The following TNFAIP8L3 variants were observed in gnomAD, a reference collection of about 807,000 sequenced individuals.
The protein encoded by TNFAIP8L3 is TNF alpha induced protein 8 like 3, also known as tumor necrosis factor alpha-induced protein 8-like protein 3.
In TNFAIP8L3, 7 loss-of-function variants were observed where a neutral mutation model predicts 11.8. The observed-to-expected ratio is 0.59, with a 90% CI of 0.34 to 1.11. The LOEUF is 1.11. TNFAIP8L3 is among the 50% of genes most tolerant of loss of function. The pLI is 0.03. For missense variants in TNFAIP8L3, 219 were observed against 258.6 expected (o/e 0.85, Z 1.05); for synonymous variants, 98 against 103.8 (o/e 0.94, Z 0.34).
At chr15:51,100,875 T>G (rs2065545983) in intron 1 of TNFAIP8L3, among the ~76,000 whole-genome samples, 1 of 152,086 alleles carries the variant, frequency 6.6e-6, no homozygotes, top group South Asian at 2.1e-4. Context: ...GAAGGGAGAA[T>G]TTGGATCTTG....
chr15:51,089,359 C>T (rs928064364), intron 1 of TNFAIP8L3, among the ~76,000 whole-genome samples: 1 of 152,180 alleles, frequency 6.6e-6, no homozygotes, highest in African/African-American at 2.4e-5. Flanking sequence ...AGCTAACTAA[C>T]AGTCCAGCAC....
At chr15:51,077,860 G>A (rs748992608) in intron 1 of TNFAIP8L3, among the ~76,000 whole-genome samples, 15 of 152,228 alleles carry the variant, frequency 9.9e-5, no homozygotes, top group Non-Finnish European at 7.3e-5. Context: ...TGAGGTGGAA[G>A]CCTGTTAGCA....
At chr15:51,079,198 T>G (rs1449986633) in intron 1 of TNFAIP8L3, among the ~76,000 whole-genome samples, 1 of 152,280 alleles carries the variant, frequency 6.6e-6, no homozygotes, top group Non-Finnish European at 1.5e-5. Context: ...TTTTGCATTT[T>G]CTGTCCCTGT....
intron 1 of TNFAIP8L3, among the ~76,000 whole-genome samples, chr15:51,062,679 T>A (rs1041421924): frequency 9.2e-5 from 14 of 152,236 alleles, no homozygotes; most frequent in African/African-American, 3.1e-4. Context: ...ATTTCTTGAT[T>A]ACATAAATTT....
chr15:51,085,690 T>C (rs2065422629), intron 1 of TNFAIP8L3, among the ~76,000 whole-genome samples: 1 of 152,042 alleles, frequency 6.6e-6, no homozygotes, highest in South Asian at 2.1e-4. Context: ...GGCCTCCAGT[T>C]CTGGTTCTAA....
chr15:51,093,590 C>T (rs781223101), intron 1 of TNFAIP8L3, among the ~76,000 whole-genome samples: 5 of 152,136 alleles, frequency 3.3e-5, no homozygotes, highest in African/African-American at 4.8e-5. Flanking sequence ...GCCAGGGCCG[C>T]GGTCTGTACA....
At chr15:51,072,988 TC>T (rs148160497) in intron 1 of TNFAIP8L3, among the ~76,000 whole-genome samples, 62,495 of 98,662 alleles carry the variant, frequency 0.63, 19,993 homozygotes, top group South Asian at 0.76. Context: ...TAAACTGGGA[TC>T]CTTTTTTTTT....
chr15:51,090,249 T>C (rs1813674398), intron 1 of TNFAIP8L3, among the ~76,000 whole-genome samples: 1 of 152,170 alleles, frequency 6.6e-6, no homozygotes, highest in Admixed American at 6.5e-5. Flanking sequence ...GTACAATCTG[T>C]CACCAACTTC....
upstream of TNFAIP8L3, among the ~76,000 whole-genome samples, chr15:51,098,757 A>C (rs559418889): frequency 6.6e-6 from 1 of 152,350 alleles, no homozygotes; most frequent in East Asian, 1.9e-4. Context: ...GTGTGTGTAC[A>C]GTATTCTGCT....
intron 1 of TNFAIP8L3, among the ~76,000 whole-genome samples, chr15:51,063,874 G>T (rs888034860): frequency 1.3e-5 from 2 of 152,188 alleles, no homozygotes; most frequent in African/African-American, 4.8e-5. Flanking sequence ...CAGCTATGAC[G>T]TTAGGAAGTG....
Position 51,090,363 on chromosome 15 carries a change from G to A in TNFAIP8L3, c.52+4181C>T, listed in dbSNP as rs374444967. Among the ~76,000 whole-genome samples the A allele has an allele frequency of 3.9e-5, 6 of 152,278 alleles. No individual in the cohort carries two copies. In the South Asian group the frequency reaches 1.0e-3, roughly 26 times the overall value. ...GTGGCCATACCCTGGGAGTTGAGGT[G>A]CCAAGTCCAGGCAAATCTTGCATCT... On this transcript the variant is annotated intron_variant, in intron 1 of 1. Transcript: ENST00000637513.
intron 1 of TNFAIP8L3, among the ~76,000 whole-genome samples, chr15:51,089,512 T>C (rs924393847): frequency 2.0e-5 from 3 of 152,304 alleles, no homozygotes; most frequent in East Asian, 3.9e-4. Flanking sequence ...TGTCTCCTCA[T>C]CCAATGTCAA....
At chr15:51,104,539 G>A (rs944969497) in intron 1 of TNFAIP8L3, among the ~76,000 whole-genome samples, 3 of 152,334 alleles carry the variant, frequency 2.0e-5, no homozygotes, top group Non-Finnish European at 4.4e-5. Context: ...GCTCCTGCGT[G>A]TCTTTCCCCT....
chr15:51,065,670 G>T (rs925533747), intron 1 of TNFAIP8L3, among the ~76,000 whole-genome samples: 1 of 152,184 alleles, frequency 6.6e-6, no homozygotes, highest in African/African-American at 2.4e-5. Flanking sequence ...CAGGGTGAGG[G>T]GACAGCTATT....
chr15:51,100,387 TA>T (rs1433742928), intron 1 of TNFAIP8L3, among the ~76,000 whole-genome samples: 2 of 149,342 alleles, frequency 1.3e-5, no homozygotes, highest in African/African-American at 2.4e-5. Context: ...TTATTCTACT[TA>T]TTTTTTTTTT....
Position 51,094,884 on chromosome 15 carries a change from G to A in TNFAIP8L3, c.-289C>T, listed in dbSNP as rs1291606256. Among the ~76,000 whole-genome samples the A allele has an allele frequency of 6.6e-6, 1 of 151,210 alleles. No homozygotes were observed. The highest frequency in any genetic ancestry group is 2.0e-4 in the East Asian group (1 of 5,124). ...GGGAGGAGGGAGGGGAGGCGCGAGC[G>A]CCGAGGAGCCCGAGCGTCCGGCGCC... On this transcript the variant is annotated 5_prime_UTR_variant, in exon 1 of 2. Coordinates refer to ENST00000637513, the MANE Select transcript of TNFAIP8L3 (RefSeq NM_001311175.2). The surrounding 1 kb of genome is among the most constrained non-coding windows in gnomAD (Gnocchi z 4.4).
At chr15:51,103,555 C>G (rs1482588445) in intron 1 of TNFAIP8L3, among the ~76,000 whole-genome samples, 3 of 152,194 alleles carry the variant, frequency 2.0e-5, no homozygotes, top group African/African-American at 7.2e-5. Context: ...TTTATTGAAG[C>G]TCTTTCAGGA....
At chr15:51,078,004 A>G (rs2065366960) in intron 1 of TNFAIP8L3, among the ~76,000 whole-genome samples, 1 of 152,034 alleles carries the variant, frequency 6.6e-6, no homozygotes, top group African/African-American at 2.4e-5. Context: ...AGGGGCAAAA[A>G]CTTCTGCATC....
upstream of TNFAIP8L3, among the ~76,000 whole-genome samples, chr15:51,095,563 G>C (rs1489432239): frequency 6.6e-6 from 1 of 152,032 alleles, no homozygotes; most frequent in Non-Finnish European, 1.5e-5. Flanking sequence ...CCCTCGACTA[G>C]AGGGGCCAGA....
Sources: allele counts gnomAD v4.1 joint callset (sites outside exome capture counted in the v4.1 genomes callset), GRCh38; gene constraint gnomAD v4.1.1; non-coding constraint Gnocchi (gnomAD v3.1); transcripts MANE v1.5; gene names NCBI Gene and HGNC (gene_info 2026-07-23, HGNC 2026-07-21).